GSE1: variants seen among roughly 807,000 people sequenced by gnomAD.
The protein encoded by GSE1 is genetic suppressor element 1.
Under a neutral mutation model 112.6 loss-of-function variants are expected in GSE1, and 32 were observed. The observed-to-expected ratio is 0.28, with a 90% CI of 0.21 to 0.38. The LOEUF is 0.38. Among genes scored for constraint, GSE1 ranks in the 10% least tolerant of loss-of-function variants. The pLI is 1.00. For synonymous variants in GSE1, 1,115 were observed against 735.6 expected, an observed-to-expected ratio of 1.52 and a Z score of -8.35; for missense variants, 2,348 against 1,699.2, an observed-to-expected ratio of 1.38 and a Z score of -6.71.
chr16:85,411,634 A>T (rs1160832907), intron 2 of GSE1, among the ~76,000 whole-genome samples: 1 of 10,184 alleles, frequency 9.8e-5, no homozygotes. Context: ...TCACTGTTAC[A>T]CTCAGGCCCC....
intron 2 of GSE1, among the ~76,000 whole-genome samples, chr16:85,403,592 C>T (rs1057268236): frequency 6.6e-6 from 1 of 152,098 alleles, no homozygotes. Context: ...GAGTTTGACA[C>T]CAGCCTGGGC....
At chr16:85,442,437 AATGG>A (rs2049398401) in intron 2 of GSE1, among the ~76,000 whole-genome samples, 1 of 96,310 alleles carries the variant, frequency 1.0e-5, no homozygotes, top group Admixed American at 1.3e-4. Flanking sequence ...TTATTGAATG[AATGG>A]ATGAATGAAT....
At chr16:85,206,646 C>T (rs1373205977) in intron 1 of GSE1, among the ~76,000 whole-genome samples, 1 of 152,160 alleles carries the variant, frequency 6.6e-6, no homozygotes, top group Middle Eastern at 3.4e-3. Context: ...GCCCCTCCCC[C>T]ACCCCTTCCT....
upstream of GSE1, among the ~76,000 whole-genome samples, chr16:85,551,196 G>GC (rs1207138273): frequency 2.0e-5 from 3 of 152,224 alleles, no homozygotes; most frequent in African/African-American, 7.2e-5. Flanking sequence ...GGGACAGAGA[G>GC]CATTGCCACC....
At chr16:85,418,440 T>A (rs1047527057) in intron 2 of GSE1, among the ~76,000 whole-genome samples, 2 of 152,198 alleles carry the variant, frequency 1.3e-5, no homozygotes, top group Admixed American at 1.3e-4. Context: ...ATCTCCTGTG[T>A]TTCTCCTGGC....
chr16:85,201,213 C>T (rs1044274197), intron 1 of GSE1, among the ~76,000 whole-genome samples: 3 of 152,178 alleles, frequency 2.0e-5, no homozygotes, highest in African/African-American at 7.2e-5. Context: ...GCTGAGGCCA[C>T]AGGCAGGTGC....
chr16:85,497,099 A>G (rs1459863985), intron 2 of GSE1, among the ~76,000 whole-genome samples: 1 of 152,050 alleles, frequency 6.6e-6, no homozygotes, highest in Non-Finnish European at 1.5e-5. Context: ...GGGTTTCGCC[A>G]TGTTGGCCAG....
intron 1 of GSE1, among the ~76,000 whole-genome samples, chr16:85,259,955 G>A (rs760805727): frequency 1.8e-4 from 27 of 152,226 alleles, no homozygotes; most frequent in Non-Finnish European, 3.2e-4. Context: ...ACACAGAGGC[G>A]GGGCCCGACA....
Position 85,374,829 on chromosome 16 carries a change from C to T in GSE1, c.2464+17186C>T, listed in dbSNP as rs901680764. 2.0e-5 allele frequency among the ~76,000 whole-genome samples: 3 copies of T among 152,170 alleles called. No homozygotes were observed. In the East Asian group the frequency reaches 5.8e-4, roughly 29 times the overall value. ...CTTCTGCCTCACTGAGGACGGACAG[C>T]CCCCATCCTCTGTGGGGTGAAGACA... On this transcript the variant is annotated intron_variant, in intron 2 of 2. Transcript: ENST00000637419.
chr16:85,460,523 A>AAC, intron 2 of GSE1, among the ~76,000 whole-genome samples: 1 of 152,348 alleles, frequency 6.6e-6, no homozygotes, highest in South Asian at 2.1e-4. Context: ...GTTCATGTAA[A>AAC]GCCCAGCACT....
At chr16:85,211,129 G>T (rs1424164432) in intron 1 of GSE1, among the ~76,000 whole-genome samples, 1 of 152,112 alleles carries the variant, frequency 6.6e-6, no homozygotes, top group Admixed American at 6.5e-5. Flanking sequence ...TGAGCCACAG[G>T]CATGCTTACC....
intron 1 of GSE1, among the ~76,000 whole-genome samples, chr16:85,632,007 T>C (rs2049577070): frequency 6.6e-6 from 1 of 152,230 alleles, no homozygotes; most frequent in Admixed American, 6.5e-5. Context: ...GGGTTCAGGC[T>C]GGCCGAGGAC....
upstream of GSE1, among the ~76,000 whole-genome samples, chr16:85,611,965 C>G (rs1411169645): frequency 6.6e-6 from 1 of 151,826 alleles, no homozygotes; most frequent in Non-Finnish European, 1.5e-5. Flanking sequence ...GGGGCTGGCA[C>G]GAGGGGGCTG....
intron 1 of GSE1, among the ~76,000 whole-genome samples, chr16:85,218,785 G>C (rs1010486593): frequency 6.6e-6 from 1 of 152,190 alleles, no homozygotes; most frequent in Non-Finnish European, 1.5e-5. Context: ...AGCTTCCAGC[G>C]TGCAGTAGCC....
At chr16:85,237,971 TTGAATGAA>T (rs528777934) in intron 1 of GSE1, among the ~76,000 whole-genome samples, 3 of 151,854 alleles carry the variant, frequency 2.0e-5, no homozygotes, top group African/African-American at 4.8e-5. Flanking sequence ...TCATCACTAG[TTGAATGAA>T]TGAATGAATG....
At chr16:85,282,318 G>A (rs1256358238) in intron 1 of GSE1, among the ~76,000 whole-genome samples, 1 of 152,226 alleles carries the variant, frequency 6.6e-6, no homozygotes, top group Non-Finnish European at 1.5e-5. Flanking sequence ...GAGCCACCGC[G>A]CCCGGCTGGG....
At chr16:85,170,648 C>G (rs1329255545) in exon 1 of GSE1, 4 of 985,414 alleles carry the variant, frequency 4.1e-6, no homozygotes, top group Non-Finnish European at 3.6e-6. Flanking sequence ...TGCGGGGCCC[C>G]GCTGTCCCCG....
In GSE1 at chr16:85,654,900, C is replaced by T. The variant is rs764185314; in HGVS notation, c.706C>T (p.Leu236=). The change falls in exon 5 of 16, where the codon CTG becomes TTG. Residue 236 remains leucine, a synonymous_variant. Coordinates refer to ENST00000253458, the MANE Select transcript of GSE1 (RefSeq NM_014615.5). ...HTTDDLRMSS[L]PPLGLDPATA... The stretch of plus-strand genomic sequence containing the variant: ...CACCGACGACCTCCGCATGTCCTCA[C>T]TGCCTCCCCTCGGCCTGGACCCGGC... 17 of 1,611,950 alleles carry T rather than the reference C, an allele frequency of 1.1e-5. No homozygotes were observed. Among genetic ancestry groups the T allele is most frequent in the Non-Finnish European group, 1.4e-5 (17 of 1,179,570 alleles).
chr16:85,613,161 G>A (rs1048332775), upstream of GSE1: 2 of 1,364,122 alleles, frequency 1.5e-6, no homozygotes, highest in East Asian at 3.1e-5. Flanking sequence ...GCTGAGGTCA[G>A]GGAGCCGGGA....
Sources: allele counts gnomAD v4.1 joint callset (sites outside exome capture counted in the v4.1 genomes callset), GRCh38; gene constraint gnomAD v4.1.1; transcripts MANE v1.5; gene names NCBI Gene and HGNC (gene_info 2026-07-23, HGNC 2026-07-21).